TRIM36: variants seen among roughly 807,000 people sequenced by gnomAD.
The protein encoded by TRIM36 is tripartite motif containing 36.
A neutral mutation model predicts 72.4 loss-of-function variants in TRIM36; 42 were observed. That is an observed-to-expected ratio of 0.58 (90% CI 0.45 to 0.75). TRIM36 has a LOEUF of 0.75. TRIM36 is among the 30% of genes least tolerant of loss of function. The pLI, the probability that TRIM36 is intolerant of heterozygous loss-of-function variation, is 0.00. For missense variants in TRIM36, 913 were observed against 857.1 expected (o/e 1.07, Z -0.81); for synonymous variants, 315 against 282.8 (o/e 1.11, Z -1.14).
intron 4 of TRIM36, among the ~76,000 whole-genome samples, chr5:115,143,119 G>T (rs1235408688): frequency 1.4e-5 from 2 of 145,340 alleles, no homozygotes; most frequent in African/African-American, 5.1e-5. Context: ...TGTGTGTGAG[G>T]AAACTGTCCA....
intron 8 of TRIM36, among the ~76,000 whole-genome samples, chr5:115,132,735 A>G (rs1752759144): frequency 6.6e-6 from 1 of 152,048 alleles, no homozygotes; most frequent in Admixed American, 6.6e-5. Context: ...TCTCTCATAA[A>G]AAGGAAGACA....
chr5:115,174,096 A>G (rs573677731), upstream of TRIM36: 1 of 152,182 alleles, frequency 6.6e-6, no homozygotes, highest in Non-Finnish European at 1.5e-5. Context: ...TACCCTATAA[A>G]TCATATACTA....
chr5:115,125,574 G>T lies in TRIM36; in HGVS notation c.*929C>A, dbSNP rs1198614421. 1 of 152,012 alleles carries T rather than the reference G, an allele frequency of 6.6e-6. No homozygotes were observed. The highest frequency in any genetic ancestry group is 1.5e-5 in the Non-Finnish European group (1 of 67,928). The allele number at this position is 152,012 out of a possible 1,614,324, so 9.4% of individuals were successfully genotyped here. ...ATGTAAATATAAATCAGGAAAACCT[G>T]ATATGTAATAATTGGGCCAAAAATG... On this transcript the variant is annotated 3_prime_UTR_variant, in exon 10 of 10. Coordinates refer to ENST00000513154, the MANE Select transcript of TRIM36 (RefSeq NM_001300759.2).
intron 8 of TRIM36, among the ~76,000 whole-genome samples, chr5:115,131,217 T>A (rs1230418999): frequency 6.6e-6 from 1 of 152,172 alleles, no homozygotes; most frequent in African/African-American, 2.4e-5. Flanking sequence ...CTTTTATCTT[T>A]ATTAAAGATA....
In TRIM36 at chr5:115,125,548, CAT is replaced by C. The variant is rs1253664350; in HGVS notation, c.*953_*954del. 1 of 151,942 alleles carries C rather than the reference CAT, an allele frequency of 6.6e-6. No homozygotes were observed. Among genetic ancestry groups the C allele is most frequent in the Admixed American group, 6.6e-5 (1 of 15,256 alleles). The allele number at this position is 151,942 out of a possible 1,614,324, so 9.4% of individuals were successfully genotyped here. A position where few individuals can be genotyped will look rare whatever the true frequency, so the allele number is the denominator to read the frequency against. The stretch of plus-strand genomic sequence containing the variant: ...TAAAATATATAATGAACTTTTCAAA[CAT>C]GTAAATATAAATCAGGAAAACCTGA... On this transcript the variant is annotated 3_prime_UTR_variant, in exon 10 of 10. Coordinates refer to ENST00000513154, the MANE Select transcript of TRIM36 (RefSeq NM_001300759.2).
chr5:115,168,651 T>C (rs939650725), intron 1 of TRIM36, among the ~76,000 whole-genome samples: 8 of 152,190 alleles, frequency 5.3e-5, no homozygotes, highest in African/African-American at 1.7e-4. Flanking sequence ...CACTCAAATA[T>C]GTGATGAAGA....
Position 115,141,508 on chromosome 5 carries a change from A to G in TRIM36, c.736-134T>C, listed in dbSNP as rs1226942893. 8 of 506,268 alleles carry G rather than the reference A, an allele frequency of 1.6e-5. 1 individual carries two copies. Among genetic ancestry groups the G allele is most frequent in the Non-Finnish European group, 2.7e-5 (8 of 295,216 alleles). 31.4% of individuals were successfully genotyped at this position (506,268 alleles called of 1,614,324 possible). On this transcript the variant is annotated intron_variant, in intron 4 of 9. Coordinates refer to ENST00000513154, the MANE Select transcript of TRIM36 (RefSeq NM_001300759.2). ...AAACATAATAAAATCAACTATGGCA[A>G]TTATCATTATTAACCCGGAGTAAAC...
At chr5:115,133,069 A>T (rs560144051) in intron 8 of TRIM36, among the ~76,000 whole-genome samples, 2 of 152,340 alleles carry the variant, frequency 1.3e-5, no homozygotes, top group African/African-American at 4.8e-5. Flanking sequence ...AAATATGGGT[A>T]CATAAGACAC....
chr5:115,159,160 C>T (rs1754342583), intron 2 of TRIM36, among the ~76,000 whole-genome samples: 2 of 152,048 alleles, frequency 1.3e-5, no homozygotes, highest in African/African-American at 2.4e-5. Flanking sequence ...AACTCTGATG[C>T]CAAGTACTTT....
rs1409295976 is a variant in TRIM36, at chr5:115,163,664, C to T, written c.116G>A (p.Ser39Asn). 1 of 1,614,030 alleles carries T rather than the reference C, an allele frequency of 6.2e-7. No homozygotes were observed. The highest frequency in any genetic ancestry group is 1.7e-5 in the Admixed American group (1 of 59,992). Reference protein sequence around the residue: ...THPLILPCQHSICHKCVKELL... With the variant: ...THPLILPCQHNICHKCVKELL... ...TTCTTTTACACATTTATGACAGATACTATGTTGGCAAGGGAGAATCAATGG... is the reference window on the plus strand; with the variant it reads ...TTCTTTTACACATTTATGACAGATATTATGTTGGCAAGGGAGAATCAATGG... Residue 39 changes from serine to asparagine, a missense_variant, in exon 2 of 10, where the codon AGT (serine) becomes AAT (asparagine). Physicochemically the swap from Ser to Asn is conservative, Grantham distance 46. Transcript: ENST00000513154.
At chr5:115,176,764 T>C (rs1432574101) in intron 1 of TRIM36, among the ~76,000 whole-genome samples, 1 of 149,156 alleles carries the variant, frequency 6.7e-6, no homozygotes, top group Non-Finnish European at 1.5e-5. Flanking sequence ...ACCTTAGATA[T>C]TGACCACAGA....
At chr5:115,179,694 T>C (rs924810305) in intron 1 of TRIM36, among the ~76,000 whole-genome samples, 1 of 152,200 alleles carries the variant, frequency 6.6e-6, no homozygotes, top group African/African-American at 2.4e-5. Flanking sequence ...GACGCTGGGC[T>C]CTCGCCCTTC....
At chr5:115,159,710 T>G (rs1478210598) in intron 2 of TRIM36, 3 of 447,274 alleles carry the variant, frequency 6.7e-6, no homozygotes, top group East Asian at 1.4e-4. Flanking sequence ...AGAATTTAAT[T>G]TCAAAGAGAA....
chr5:115,171,086 G>T (rs201474081), upstream of TRIM36: 225 of 1,614,218 alleles, frequency 1.4e-4, no homozygotes, highest in Middle Eastern at 3.6e-3. Context: ...CTACAGAGCT[G>T]TAGCGAGACA....
At chr5:115,170,010 G>T, upstream of TRIM36, 2 of 1,071,112 alleles carry the variant, frequency 1.9e-6, no homozygotes, top group Non-Finnish European at 2.3e-6. Context: ...TCGCACAAAA[G>T]AGGCGGGGCC....
upstream of TRIM36, among the ~76,000 whole-genome samples, chr5:115,173,551 C>T (rs536637022): frequency 3.3e-5 from 5 of 151,654 alleles, no homozygotes; most frequent in South Asian, 2.1e-4. Context: ...TGTGCGCGCA[C>T]GCATGTGTTG....
chr5:115,146,635 T>A (rs1753607438), intron 3 of TRIM36, among the ~76,000 whole-genome samples: 1 of 152,238 alleles, frequency 6.6e-6, no homozygotes, highest in Non-Finnish European at 1.5e-5. Flanking sequence ...AGGCTGTAAT[T>A]ACTTTTATTC....
chr5:115,147,334 T>C lies in TRIM36; in HGVS notation c.323A>G (p.His108Arg), dbSNP rs781606974. 1.2e-6 allele frequency: 2 copies of C among 1,614,066 alleles called. No individual in the cohort carries two copies. The highest frequency in any genetic ancestry group is 1.3e-5 in the African/African-American group (1 of 74,928). ...TCCTCGTTCTCCAAGATCCACATCA[T>C]GCTCACAGCCAGGGCAAGGGAAAAC... ...TTVFPCPGCE[H>R]DVDLGERGIN... The change falls in exon 3 of 10, where the codon CAT becomes CGT. Residue 108 changes from histidine to arginine, a missense_variant. Coordinates refer to ENST00000513154, the MANE Select transcript of TRIM36 (RefSeq NM_001300759.2).
chr5:115,143,773 G>C (rs6594877), intron 4 of TRIM36, among the ~76,000 whole-genome samples: 13 of 152,016 alleles, frequency 8.6e-5, no homozygotes, highest in Non-Finnish European at 1.5e-4. Flanking sequence ...AGAATAAAAC[G>C]AAAAGATAGT....
Sources: gnomAD v4.1 joint callset for allele counts (sites outside exome capture counted in the v4.1 genomes callset) on GRCh38, gnomAD v4.1.1 for gene constraint, MANE v1.5 for transcripts, NCBI Gene and HGNC (gene_info 2026-07-23, HGNC 2026-07-21) for gene names.